The following IL10RA variants were observed in gnomAD, a reference collection of about 807,000 sequenced individuals.
IL10RA encodes interleukin-10 receptor subunit alpha.
In IL10RA, 18 loss-of-function variants were observed where a neutral mutation model predicts 29.6. The observed-to-expected ratio is 0.61, with a 90% CI of 0.42 to 0.90. The LOEUF (loss-of-function observed/expected upper bound fraction) is 0.90, where lower values mean the gene tolerates loss of function less well. IL10RA is among the 40% of genes least tolerant of loss of function. The probability of loss-of-function intolerance (pLI) is 0.00; values close to 1 mark genes in which losing one functional copy is unlikely to be tolerated. For missense variants in IL10RA, 634 were observed against 716.6 expected (o/e 0.88, Z 1.32); for synonymous variants, 292 against 294.1 (o/e 0.99, Z 0.07).
intron 1 of IL10RA, 123 bp downstream of exon 1, chr11:117,986,657 C>T: frequency 6.5e-7 from 1 of 1,537,466 alleles, no homozygotes; most frequent in Admixed American, 2.0e-5. Context: ...CCGGGTGCTC[C>T]CTTACTCTGG....
intron 1 of IL10RA, chr11:117,986,799 A>C (rs1305534935): frequency 6.6e-7 from 1 of 1,520,766 alleles, no homozygotes; most frequent in Admixed American, 2.0e-5. Context: ...TCATCCACCC[A>C]CTTCTAGATG....
rs1048254529 is a variant in IL10RA at position 118,000,450 on chromosome 11, C to A, written c.*809C>A. The A allele has an allele frequency of 1.8e-5, 8 of 454,194 alleles. No homozygotes were observed. Among genetic ancestry groups the A allele is most frequent in the Admixed American group, 1.4e-4 (6 of 42,558 alleles). The allele number at this position is 454,194 out of a possible 1,614,324, so 28.1% of individuals were successfully genotyped here. A position where few individuals can be genotyped will look rare whatever the true frequency, so the allele number is the denominator to read the frequency against. Reference sequence around the variant, plus strand: ...CTTTGCTGCCCCACCATCTTGCTGACAACTTCCAGAGAAGCCATGGTTTTT... The same window carrying A: ...CTTTGCTGCCCCACCATCTTGCTGAAAACTTCCAGAGAAGCCATGGTTTTT... On this transcript the variant is annotated 3_prime_UTR_variant, in exon 7 of 7. Coordinates refer to ENST00000227752, the MANE Select transcript of IL10RA (RefSeq NM_001558.4).
intron 1 of IL10RA, 142 bp downstream of exon 1, chr11:117,986,676 G>T (rs1288818822): frequency 2.0e-6 from 3 of 1,535,836 alleles, no homozygotes; most frequent in Non-Finnish European, 2.6e-6. Flanking sequence ...GGCAAACCTG[G>T]ATCTCAGGCT....
chr11:118,002,375 C>T (rs1256391036), downstream of IL10RA: 1 of 152,208 alleles, frequency 6.6e-6, no homozygotes, highest in Non-Finnish European at 1.5e-5. Flanking sequence ...AAGTGCTGAT[C>T]CTATCATCTT....
At chr11:117,995,448 T>C (rs558471323) in intron 5 of IL10RA, 141 bp from the exon 6 acceptor site, 61 of 1,010,126 alleles carry the variant, frequency 6.0e-5, no homozygotes, top group Non-Finnish European at 9.3e-5. Flanking sequence ...ACATCTAGAG[T>C]TGTGGCCTGT....
downstream of IL10RA, chr11:118,002,838 T>C (rs1389560556): frequency 1.3e-5 from 2 of 152,218 alleles, no homozygotes; most frequent in Non-Finnish European, 2.9e-5. Flanking sequence ...TCTTGGGAAT[T>C]TGGATTACAG....
At chr11:117,995,365 T>C in intron 5 of IL10RA, 1 of 600,140 alleles carries the variant, frequency 1.7e-6, no homozygotes, top group Non-Finnish European at 3.0e-6. Context: ...CTGGAAGCAG[T>C]TAGCGCATCT....
In IL10RA at chr11:117,988,566, T is replaced by A. The variant is rs559890830; in HGVS notation, c.188+64T>A. The A allele has an allele frequency of 3.1e-6, 5 of 1,589,052 alleles. No homozygotes were observed. The African/African-American group carries it at 6.7e-5, about 21-fold the overall frequency. On this transcript the variant is annotated intron_variant, in intron 2 of 6. Transcript: ENST00000227752. Reference sequence around the variant, plus strand: ...ATCCCCGCCTTGTCCTCTACTCTCCTAGCATGGGAAGATACCTGCCTTGTT... The same window carrying A: ...ATCCCCGCCTTGTCCTCTACTCTCCAAGCATGGGAAGATACCTGCCTTGTT...
At chr11:118,002,502 T>C (rs1220526640), downstream of IL10RA, 1 of 152,192 alleles carries the variant, frequency 6.6e-6, no homozygotes, top group African/African-American at 2.4e-5. Flanking sequence ...GGAAATGAGG[T>C]GTTAGCGATG....
chr11:117,987,043 C>T (rs1305156367), intron 1 of IL10RA: 1 of 384,564 alleles, frequency 2.6e-6, no homozygotes. Context: ...TGCCTCTCTC[C>T]TCCTAACCCA....
At position 117,989,436 on chromosome 11, in the gene IL10RA, C is replaced by T; in HGVS notation, c.189-6C>T. 6.2e-7 allele frequency: 1 copy of T among 1,612,360 alleles called. No individual in the cohort carries two copies. The highest frequency in any genetic ancestry group is 8.5e-7 in the Non-Finnish European group (1 of 1,178,360). On this transcript the variant is annotated splice_polypyrimidine_tract_variant and splice_region_variant and intron_variant, in intron 2 of 6. Transcript: ENST00000227752. This position sits in a 1 kb window ranked among gnomAD's most constrained non-coding sequence, Gnocchi z 4.5. Reference sequence around the variant, plus strand: ...GTTTCCAGTGCCTAACCTGGTATCTCCTCAGGTATGGAATAGAGTCCTGGA... The same window carrying T: ...GTTTCCAGTGCCTAACCTGGTATCTTCTCAGGTATGGAATAGAGTCCTGGA...
In IL10RA at chr11:117,988,419, A is replaced by G. The variant is rs1565370559; in HGVS notation, c.105A>G (p.Glu35=). 1 of 1,614,130 alleles carries G rather than the reference A, an allele frequency of 6.2e-7. No individual in the cohort carries two copies. Among genetic ancestry groups the G allele is most frequent in the Non-Finnish European group, 8.5e-7 (1 of 1,180,000 alleles). ...ELPSPPSVWF[E]AEFFHHILHW... ...CCAGCCCTCCGTCTGTGTGGTTTGAAGCAGAATTTTTCCACCACATCCTCC... is the reference window on the plus strand; with the variant it reads ...CCAGCCCTCCGTCTGTGTGGTTTGAGGCAGAATTTTTCCACCACATCCTCC... The change falls in exon 2 of 7, where the codon GAA becomes GAG. Residue 35 remains glutamate (E), a synonymous_variant. Coordinates refer to ENST00000227752, the MANE Select transcript of IL10RA (RefSeq NM_001558.4).
Position 117,995,584 on chromosome 11 carries a change from T to C in IL10RA, c.689-5T>C. On this transcript the variant is annotated splice_polypyrimidine_tract_variant and splice_region_variant and intron_variant, in intron 5 of 6. Coordinates refer to ENST00000227752, the MANE Select transcript of IL10RA (RefSeq NM_001558.4). ...GGCCACAAACACATCTCTCTGGGCC[T>C]GCAGATTTCACCGTGACCAACGTCA... 1 of 1,614,192 alleles carries C rather than the reference T, an allele frequency of 6.2e-7. No individual in the cohort carries two copies. Among genetic ancestry groups the C allele is most frequent in the Non-Finnish European group, 8.5e-7 (1 of 1,180,028 alleles).
intron 1 of IL10RA, 35 bp from the exon 2 acceptor site, chr11:117,988,347 C>A (rs200324449): frequency 3.1e-6 from 5 of 1,613,558 alleles, no homozygotes; most frequent in Non-Finnish European, 4.2e-6. Context: ...GCCTGCCCCC[C>A]CTCCCAGCTG....
At chr11:117,988,546 C>G (rs377268794) in intron 2 of IL10RA, 44 bp downstream of exon 2, 16 of 1,610,082 alleles carry the variant, frequency 9.9e-6, no homozygotes, top group Non-Finnish European at 1.1e-5. Flanking sequence ...AGTGAATCCC[C>G]GCCTTGTCCT....
intron 6 of IL10RA, among the ~76,000 whole-genome samples, chr11:117,996,378 A>G (rs936203581): frequency 1.3e-5 from 2 of 152,192 alleles, no homozygotes; most frequent in African/African-American, 4.8e-5. Flanking sequence ...CTGACAAATG[A>G]TACATTTGTG....
intron 3 of IL10RA, 148 bp from the exon 4 acceptor site, chr11:117,993,093 A>G: frequency 1.4e-6 from 1 of 698,082 alleles, no homozygotes. Flanking sequence ...AAGTCCTTAC[A>G]TTCTGCTGCA....
chr11:117,986,395 G>A lies in IL10RA; in HGVS notation c.-73G>A, dbSNP rs1343395082. The stretch of plus-strand genomic sequence containing the variant: ...GGCGGAGCGGGCGGCGGAGCTGTCA[G>A]TCCCAGCCCAAGGGTAGCTGGAGGC... On this transcript the variant is annotated 5_prime_UTR_variant, in exon 1 of 7. Coordinates refer to ENST00000227752, the MANE Select transcript of IL10RA (RefSeq NM_001558.4). 6 of 1,430,144 alleles carry A rather than the reference G, an allele frequency of 4.2e-6. No individual in the cohort carries two copies. The highest frequency in any genetic ancestry group is 2.5e-5 in the East Asian group (1 of 40,360). 88.6% of individuals were successfully genotyped at this position (1,430,144 alleles called of 1,614,324 possible).
chr11:117,994,224 T>A, intron 5 of IL10RA, 75 bp downstream of exon 5: 6 of 1,324,908 alleles, frequency 4.5e-6, no homozygotes, highest in Non-Finnish European at 6.4e-6. Context: ...CGCGTGCACC[T>A]GGGATGCTGG....
Sources: gnomAD v4.1 joint callset for allele counts (sites outside exome capture counted in the v4.1 genomes callset) on GRCh38, gnomAD v4.1.1 for gene constraint, Gnocchi (gnomAD v3.1) non-coding constraint, MANE v1.5 for transcripts, NCBI Gene and HGNC (gene_info 2026-07-23, HGNC 2026-07-21) for gene names.